Variants in ATIC observed in about 807,000 individuals in gnomAD.
The protein encoded by ATIC is bifunctional purine biosynthesis protein ATIC.
A neutral mutation model predicts 72.5 loss-of-function variants in ATIC; 64 were observed. The observed-to-expected ratio is 0.88, with a 90% CI of 0.72 to 1.09. ATIC has a LOEUF of 1.09. Among genes scored for constraint, ATIC ranks in the 50% least tolerant of loss-of-function variants. The pLI is 0.00. For missense variants in ATIC, 787 were observed against 732.4 expected, an observed-to-expected ratio of 1.07 and a Z score of -0.86; for synonymous variants, 281 against 267.1, an observed-to-expected ratio of 1.05 and a Z score of -0.51.
chr2:215,325,104 G>A, intron 4 of ATIC, 137 bp from the exon 5 acceptor site: 1 of 690,624 alleles, frequency 1.4e-6, no homozygotes, highest in South Asian at 1.6e-5. Context: ...ATTCTAAAAT[G>A]TCAGGCTCAC....
At chr2:215,346,991 C>T (rs1186413535) in intron 14 of ATIC, 50 bp downstream of exon 14, 2 of 1,581,278 alleles carry the variant, frequency 1.3e-6, no homozygotes, top group Admixed American at 3.4e-5. Context: ...TCAGTTCAAC[C>T]CTTTATGTGT....
chr2:215,351,409 G>C (rs1471601007), downstream of ATIC, among the ~76,000 whole-genome samples: 1 of 152,178 alleles, frequency 6.6e-6, no homozygotes, highest in Admixed American at 6.5e-5. Context: ...TGTAAATTAA[G>C]TGTGTGTTGT....
At chr2:215,341,124 G>A (rs1052737563) in intron 12 of ATIC, among the ~76,000 whole-genome samples, 3 of 152,138 alleles carry the variant, frequency 2.0e-5, no homozygotes, top group South Asian at 2.1e-4. Context: ...ATAAGCATAC[G>A]ACGATTAACA....
chr2:215,325,048 G>A, intron 4 of ATIC, 193 bp from the exon 5 acceptor site: 1 of 547,688 alleles, frequency 1.8e-6, no homozygotes, highest in Non-Finnish European at 3.3e-6. Context: ...AATTACCTCT[G>A]CTCGACCCCA....
At chr2:215,342,171 C>T (rs752980006) in intron 12 of ATIC, among the ~76,000 whole-genome samples, 1 of 152,114 alleles carries the variant, frequency 6.6e-6, no homozygotes, top group Non-Finnish European at 1.5e-5. Context: ...AACCGTATCA[C>T]CAAGATTATC....
At chr2:215,354,113 T>G (rs887015911), downstream of ATIC, among the ~76,000 whole-genome samples, 1 of 151,244 alleles carries the variant, frequency 6.6e-6, no homozygotes, top group African/African-American at 2.4e-5. Context: ...CCACAGCCTC[T>G]GCCTCCATGG....
At chr2:215,340,837 C>G (rs905569938) in intron 12 of ATIC, among the ~76,000 whole-genome samples, 1 of 152,160 alleles carries the variant, frequency 6.6e-6, no homozygotes, top group African/African-American at 2.4e-5. Context: ...TTGCATGCAA[C>G]TTGGAAAATG....
At chr2:215,322,483 C>T (rs1185577317) in intron 4 of ATIC, among the ~76,000 whole-genome samples, 6 of 151,784 alleles carry the variant, frequency 4.0e-5, no homozygotes, top group Non-Finnish European at 2.9e-5. Context: ...GTGCCCGCCA[C>T]CACGCCCAGC....
chr2:215,352,359 A>T (rs1322365723), downstream of ATIC, among the ~76,000 whole-genome samples: 3 of 152,202 alleles, frequency 2.0e-5, no homozygotes, highest in East Asian at 5.8e-4. Context: ...AGGTGGGTGG[A>T]TCACCTGAGG....
chr2:215,349,435 C>T (rs2053108421), intron 15 of ATIC, 101 bp from the exon 16 acceptor site: 1 of 1,598,196 alleles, frequency 6.3e-7, no homozygotes, highest in Admixed American at 1.7e-5. Context: ...GCCTTTTTGA[C>T]TGAGTGTATC....
rs1285988413 is a variant in ATIC at position 215,349,598 on chromosome 2, C to G, written c.1722C>G (p.Ala574=). The G allele has an allele frequency of 1.9e-6, 3 of 1,614,172 alleles. No individual in the cohort carries two copies. The South Asian group carries it at 3.3e-5, about 18-fold the overall frequency. The change falls in exon 16 of 16, where the codon GCC becomes GCG. Residue 574 remains alanine (A), a synonymous_variant. Coordinates refer to ENST00000236959, the MANE Select transcript of ATIC (RefSeq NM_004044.7). ...GSAADKVVIE[A]CDELGIILAH... ...CTGCTGACAAAGTTGTGATTGAGGC[C>G]TGCGACGAACTGGGAATCATCCTCG...
the ATIC span, among the ~76,000 whole-genome samples, chr2:215,366,510 A>G: frequency 2.5e-3 from 375 of 152,374 alleles, 1 homozygote; most frequent in African/African-American, 8.5e-3. Flanking sequence ...TATTATCCAC[A>G]TCAAATAAGT....
intron 8 of ATIC, among the ~76,000 whole-genome samples, 195 bp from the exon 9 acceptor site, chr2:215,333,155 G>C (rs1017060849): frequency 6.6e-6 from 1 of 152,164 alleles, no homozygotes; most frequent in Non-Finnish European, 1.5e-5. Context: ...GCAGAGAGGA[G>C]ATTTCCCTCA....
At chr2:215,350,957 T>C (rs1444221460), downstream of ATIC, among the ~76,000 whole-genome samples, 1 of 152,226 alleles carries the variant, frequency 6.6e-6, no homozygotes, top group Non-Finnish European at 1.5e-5. Flanking sequence ...TTATTTCTGG[T>C]TAAGCTAATC....
the ATIC span, among the ~76,000 whole-genome samples, chr2:215,356,404 A>G: frequency 2.0e-5 from 3 of 152,188 alleles, no homozygotes; most frequent in East Asian, 5.8e-4. Flanking sequence ...CTTCCTCATG[A>G]AGGAGCAAAA....
chr2:215,359,297 CT>C, the ATIC span, among the ~76,000 whole-genome samples: 4 of 152,170 alleles, frequency 2.6e-5, no homozygotes, highest in African/African-American at 9.7e-5. Flanking sequence ...GATATCAAGG[CT>C]TTAAGCAAGA....
intron 13 of ATIC, 115 bp from the exon 14 acceptor site, chr2:215,346,644 T>G (rs1285124772): frequency 2.5e-6 from 3 of 1,204,160 alleles, no homozygotes; most frequent in Non-Finnish European, 3.7e-6. Context: ...TATTTTGGCC[T>G]GATATGTTCT....
intron 4 of ATIC, among the ~76,000 whole-genome samples, chr2:215,321,476 C>G (rs1431791451): frequency 6.6e-6 from 1 of 152,140 alleles, no homozygotes; most frequent in South Asian, 2.1e-4. Flanking sequence ...CATACACATT[C>G]GTTTCATTGG....
At chr2:215,361,682 G>A in the ATIC span, 9 of 1,321,580 alleles carry the variant, frequency 6.8e-6, no homozygotes, top group South Asian at 1.2e-5. Context: ...AAAGTGTACA[G>A]AAAAAAAAAT....
Sources: allele counts gnomAD v4.1 joint callset (sites outside exome capture counted in the v4.1 genomes callset), GRCh38; gene constraint gnomAD v4.1.1; transcripts MANE v1.5; gene names NCBI Gene and HGNC (gene_info 2026-07-23, HGNC 2026-07-21).